The following ENOSF1 variants were observed in gnomAD, a reference collection of about 807,000 sequenced individuals.
ENOSF1 encodes mitochondrial enolase superfamily member 1.
A neutral mutation model predicts 68.2 loss-of-function variants in ENOSF1; 73 were observed. That is an observed-to-expected ratio of 1.07 (90% confidence interval 0.89 to 1.30). The LOEUF (loss-of-function observed/expected upper bound fraction) is 1.30. ENOSF1 is among the 50% of genes most tolerant of loss of function. The probability of loss-of-function intolerance (pLI) is 0.00; values close to 1 mark genes in which losing one functional copy is unlikely to be tolerated. For missense variants in ENOSF1, 589 were observed against 554.5 expected, an observed-to-expected ratio of 1.06 and a Z score of -0.62; for synonymous variants, 223 against 210.4, an observed-to-expected ratio of 1.06 and a Z score of -0.52.
chr18:683,201 A>AAACAGAAAAATAAGCTGCCACAGC lies in ENOSF1; in HGVS notation c.876+21_876+44dup, dbSNP rs760235488. The AAACAGAAAAATAAGCTGCCACAGC allele has an allele frequency of 3.8e-5, 62 of 1,610,464 alleles. 1 individual carries two copies. Among genetic ancestry groups the AAACAGAAAAATAAGCTGCCACAGC allele is most frequent in the Middle Eastern group, 1.7e-4 (1 of 6,042 alleles). On this transcript the variant is annotated intron_variant, in intron 11 of 15. Coordinates refer to ENST00000647584, the MANE Select transcript of ENOSF1 (RefSeq NM_017512.7). The stretch of plus-strand genomic sequence containing the variant: ...TCTGTCCCCAGCACTCTGGAAAACT[A>AAACAGAAAAATAAGCTGCCACAGC]AACAGAAAAATAAGCTGCCACAGCA...
intron 2 of ENOSF1, among the ~76,000 whole-genome samples, chr18:702,480 C>A (rs1342751936): frequency 1.3e-5 from 2 of 151,928 alleles, no homozygotes; most frequent in African/African-American, 4.8e-5. Context: ...GAAACTGAGG[C>A]AGGAGAATCG....
chr18:669,784 T>C (rs547578904), downstream of ENOSF1, among the ~76,000 whole-genome samples: 2 of 152,160 alleles, frequency 1.3e-5, no homozygotes, highest in Admixed American at 6.5e-5. Context: ...TTAACAATTA[T>C]ATTGTAAAAT....
chr18:712,360 CAT>C, intron 1 of ENOSF1, 142 bp downstream of exon 1: 2 of 1,400,570 alleles, frequency 1.4e-6, no homozygotes, highest in South Asian at 2.5e-5. Context: ...CCGCGCGTAC[CAT>C]GGCGTCCGCG....
At chr18:676,311 TC>T (rs1442912564) in intron 14 of ENOSF1, among the ~76,000 whole-genome samples, 2 of 152,182 alleles carry the variant, frequency 1.3e-5, no homozygotes, top group Admixed American at 6.5e-5. Flanking sequence ...TGAACTGTAA[TC>T]CCCAGTGTTG....
At chr18:668,149 G>T (rs148235072), downstream of ENOSF1, among the ~76,000 whole-genome samples, 1 of 151,982 alleles carries the variant, frequency 6.6e-6, no homozygotes. Context: ...ACTTGTGTAT[G>T]TGTGTATTTG....
At chr18:669,404 G>C, downstream of ENOSF1, 1 of 366,042 alleles carries the variant, frequency 2.7e-6, no homozygotes. Context: ...ACAGAGTTTT[G>C]CTCTGTTGCC....
Position 694,211 on chromosome 18 carries a change from TC to T in ENOSF1, c.396+36del, listed in dbSNP as rs2077490238. 1.9e-6 allele frequency: 3 copies of T among 1,582,156 alleles called. No individual in the cohort carries two copies. In the African/African-American group the frequency reaches 4.0e-5, roughly 21 times the overall value. On this transcript the variant is annotated intron_variant, in intron 4 of 15. Coordinates refer to ENST00000647584, the MANE Select transcript of ENOSF1 (RefSeq NM_017512.7). ...GTAGGGAAAGTCAGTGTCGTACAGCTCCCAGGAGCCTCCTGAGCGTTTGTGA... is the reference window on the plus strand; with the variant it reads ...GTAGGGAAAGTCAGTGTCGTACAGCTCCAGGAGCCTCCTGAGCGTTTGTGA...
At chr18:687,324 G>A (rs2076707002) in intron 9 of ENOSF1, 2 of 152,214 alleles carry the variant, frequency 1.3e-5, no homozygotes, top group Non-Finnish European at 1.5e-5. Flanking sequence ...TTTAGCTGAG[G>A]CATTAACAAG....
downstream of ENOSF1, among the ~76,000 whole-genome samples, chr18:666,541 G>C (rs1054081322): frequency 6.6e-6 from 1 of 152,164 alleles, no homozygotes; most frequent in East Asian, 1.9e-4. Context: ...TGGAATGTGG[G>C]GTTTGTGTGT....
intron 10 of ENOSF1, among the ~76,000 whole-genome samples, chr18:684,847 C>A (rs918668003): frequency 4.0e-5 from 6 of 149,084 alleles, no homozygotes; most frequent in Admixed American, 3.9e-4. Context: ...AACCAGAGGA[C>A]AGTATGCTCA....
intron 11 of ENOSF1, among the ~76,000 whole-genome samples, chr18:679,982 C>T (rs1286570919): frequency 6.6e-6 from 1 of 151,686 alleles, no homozygotes; most frequent in African/African-American, 2.4e-5. Context: ...AGCGTTATCC[C>T]CATTTTATAA....
chr18:694,043 G>A lies in ENOSF1; in HGVS notation c.397-135C>T, dbSNP rs533801207. 179 of 1,075,054 alleles carry A rather than the reference G, an allele frequency of 1.7e-4. 2 individuals are homozygous for A. In the African/African-American group the frequency reaches 2.3e-3, roughly 14 times the overall value. The allele number at this position is 1,075,054 out of a possible 1,614,324, so 66.6% of individuals were successfully genotyped here. A position where few individuals can be genotyped will look rare whatever the true frequency, so the allele number is the denominator to read the frequency against. On this transcript the variant is annotated intron_variant, in intron 4 of 15. Coordinates refer to ENST00000647584, the MANE Select transcript of ENOSF1 (RefSeq NM_017512.7). ...CACACCCCCCTCTACTGCTGCCTGC[G>A]CCTTCCGCCATCCTGTCTCCTCTTT...
intron 1 of ENOSF1, chr18:712,278 G>T: frequency 2.6e-6 from 4 of 1,530,852 alleles, no homozygotes; most frequent in South Asian, 1.2e-5. Flanking sequence ...GAAGCAATGG[G>T]TTCGAAGTCG....
intron 3 of ENOSF1, among the ~76,000 whole-genome samples, chr18:696,298 G>T (rs952904949): frequency 7.1e-6 from 1 of 140,618 alleles, no homozygotes; most frequent in Non-Finnish European, 1.5e-5. Context: ...TGCAAGCTCC[G>T]CCTCCCAGGT....
At chr18:698,868 T>C (rs1190075284) in intron 2 of ENOSF1, among the ~76,000 whole-genome samples, 2 of 152,228 alleles carry the variant, frequency 1.3e-5, no homozygotes, top group African/African-American at 2.4e-5. Flanking sequence ...GTGATACACC[T>C]GCCTCGGCCA....
intron 1 of ENOSF1, among the ~76,000 whole-genome samples, chr18:711,666 CAT>C (rs2079562431): frequency 6.6e-6 from 1 of 152,190 alleles, no homozygotes; most frequent in African/African-American, 2.4e-5. Context: ...GAAGGCCTGA[CAT>C]TCTAACACCC....
At chr18:667,992 A>ATTTTTTTTTTTTTTTTT (rs60409589), downstream of ENOSF1, among the ~76,000 whole-genome samples, 279 of 105,296 alleles carry the variant, frequency 2.6e-3, 34 homozygotes, top group African/African-American at 0.011. Flanking sequence ...ATTCACAGGA[A>ATTTTTTTTTTTTTTTTT]TTTTTTTTTT....
At chr18:698,589 G>A (rs2847159) in intron 2 of ENOSF1, among the ~76,000 whole-genome samples, 50,414 of 151,824 alleles carry the variant, frequency 0.33, 8,657 homozygotes, top group Non-Finnish European at 0.37. Flanking sequence ...AATTTGGGTC[G>A]GCATTACCAT....
chr18:679,202 T>C (rs2144637641), intron 11 of ENOSF1, among the ~76,000 whole-genome samples: 1 of 129,720 alleles, frequency 7.7e-6, no homozygotes, highest in South Asian at 2.6e-4. Context: ...TAGAACCCTC[T>C]CATATCTTTT....
Sources: gnomAD v4.1 joint callset for allele counts (sites outside exome capture counted in the v4.1 genomes callset) on GRCh38, gnomAD v4.1.1 for gene constraint, MANE v1.5 for transcripts, NCBI Gene and HGNC (gene_info 2026-07-23, HGNC 2026-07-21) for gene names.